ABCA12: variants seen among roughly 807,000 people sequenced by gnomAD.
The protein encoded by ABCA12 is ATP binding cassette subfamily A member 12.
A neutral mutation model predicts 293.5 loss-of-function variants in ABCA12; 156 were observed. That is an observed-to-expected ratio of 0.53 (90% confidence interval 0.47 to 0.61). ABCA12 has a LOEUF of 0.61. ABCA12 is among the 20% of genes least tolerant of loss of function. The pLI is 0.00. For synonymous variants in ABCA12, 1,063 were observed against 1,108.0 expected (o/e 0.96, Z 0.81); for missense variants, 2,797 against 3,090.2 (o/e 0.91, Z 2.25).
chr2:215,129,005 C>T (rs886318162), intron 1 of ABCA12, among the ~76,000 whole-genome samples: 2 of 152,134 alleles, frequency 1.3e-5, no homozygotes, highest in African/African-American at 4.8e-5. Flanking sequence ...TGATGTAGTA[C>T]TCTCCCCCTT....
In ABCA12 at chr2:215,015,647, A is replaced by G. The variant is rs1422212596; in HGVS notation, c.1799T>C (p.Phe600Ser). The G allele has an allele frequency of 6.2e-7, 1 of 1,613,918 alleles. No individual in the cohort carries two copies. The highest frequency in any genetic ancestry group is 1.3e-5 in the African/African-American group (1 of 74,934). Residue 600 changes from phenylalanine (F) to serine (S), a missense_variant, in exon 15 of 53, where the codon TTC (phenylalanine) becomes TCC (serine). Transcript: ENST00000272895. ...ATTAGTATCACAGGAATGCAGCCAG[A>G]ACACCTGAGAAATAATCTGCAAATG... ...DNRAEIISQV[F>S]WLHSCDTNIT... is the part of the protein sequence containing the mutation.
intron 51 of ABCA12, among the ~76,000 whole-genome samples, chr2:214,936,468 C>A (rs1698221875): frequency 6.6e-6 from 1 of 152,184 alleles, no homozygotes; most frequent in South Asian, 2.1e-4. Flanking sequence ...TTTCCAATTT[C>A]TTTTTATCAT....
At chr2:215,027,039 T>G in intron 9 of ABCA12, 101 bp from the exon 10 acceptor site, 1 of 887,924 alleles carries the variant, frequency 1.1e-6, no homozygotes, top group South Asian at 1.3e-5. Context: ...TTGGTTGACT[T>G]GGACATTGAA....
In ABCA12 at chr2:215,012,214, G is replaced by C. The variant is rs1700393978; in HGVS notation, c.1957-79C>G. 3.0e-6 allele frequency: 4 copies of C among 1,339,144 alleles called. No individual in the cohort carries two copies. The South Asian group carries it at 4.8e-5, about 16-fold the overall frequency. The allele number at this position is 1,339,144 out of a possible 1,614,324, so 83.0% of individuals were successfully genotyped here. A position where few individuals can be genotyped will look rare whatever the true frequency, so the allele number is the denominator to read the frequency against. ...TGCATTGTTGGTAAGGTTGTAGAAA[G>C]GTACAGCCACTTTGGAAAACATTTT... On this transcript the variant is annotated intron_variant, in intron 15 of 52. Coordinates refer to ENST00000272895, the MANE Select transcript of ABCA12 (RefSeq NM_173076.3).
chr2:214,936,333 T>C (rs1698217533), intron 51 of ABCA12, among the ~76,000 whole-genome samples: 1 of 152,178 alleles, frequency 6.6e-6, no homozygotes, highest in African/African-American at 2.4e-5. Flanking sequence ...CTGGAGGTCT[T>C]GGAATGTATC....
chr2:215,080,250 G>A (rs1311701021), intron 2 of ABCA12, among the ~76,000 whole-genome samples: 3 of 152,092 alleles, frequency 2.0e-5, no homozygotes, highest in African/African-American at 7.2e-5. Flanking sequence ...GTAATCCCAG[G>A]ACTTTGGAAG....
rs764741924 is a variant in ABCA12, at chr2:214,989,352, C to G, written c.3806G>C (p.Trp1269Ser). 9 of 1,612,554 alleles carry G rather than the reference C, an allele frequency of 5.6e-6. No homozygotes were observed. The highest frequency in any genetic ancestry group is 1.3e-5 in the African/African-American group (1 of 74,452). ...ADSFIYFLIAWYVRNVFPGTY... is the reference protein window; with the variant it reads ...ADSFIYFLIASYVRNVFPGTY... ...ACCTGGGAAGACATTCCTGACATAC[C>G]AAGCAATAAGGAAATAAATGAAAGA... Residue 1269 changes from tryptophan to serine, a missense_variant, in exon 26 of 53, where the codon TGG becomes TCG. Trp to Ser is a radical substitution (Grantham distance 177). Transcript: ENST00000272895.
chr2:215,074,736 G>A (rs559283372), intron 2 of ABCA12, among the ~76,000 whole-genome samples: 1 of 152,120 alleles, frequency 6.6e-6, no homozygotes, highest in African/African-American at 2.4e-5. Flanking sequence ...GAGGTCAGGA[G>A]ATCGAGAACA....
At chr2:215,075,810 G>A in intron 2 of ABCA12, 4 of 479,738 alleles carry the variant, frequency 8.3e-6, no homozygotes, top group Admixed American at 8.0e-5. Flanking sequence ...TATTATCACA[G>A]TGAATTTTGT....
chr2:214,999,983 G>T, intron 22 of ABCA12: 1 of 208,084 alleles, frequency 4.8e-6, no homozygotes, highest in Non-Finnish European at 8.4e-6. Flanking sequence ...GTAATATTCA[G>T]CCTCAAGCTT....
At chr2:215,047,973 A>G in intron 6 of ABCA12, among the ~76,000 whole-genome samples, 1 of 139,660 alleles carries the variant, frequency 7.2e-6, no homozygotes, top group African/African-American at 3.3e-5. Context: ...CAAATTTACA[A>G]GAAAAAAAAA....
chr2:215,117,807 G>A (rs1030855490), intron 1 of ABCA12, among the ~76,000 whole-genome samples: 1 of 152,190 alleles, frequency 6.6e-6, no homozygotes, highest in Non-Finnish European at 1.5e-5. Flanking sequence ...TGGAGACTCT[G>A]TGAATTTAAT....
chr2:215,118,047 C>T (rs972145355), intron 1 of ABCA12, among the ~76,000 whole-genome samples: 11 of 152,214 alleles, frequency 7.2e-5, no homozygotes, highest in Non-Finnish European at 1.2e-4. Context: ...TATTTTGCCC[C>T]TACAGACATT....
At chr2:215,077,099 T>C (rs2106089638) in intron 2 of ABCA12, among the ~76,000 whole-genome samples, 1 of 152,288 alleles carries the variant, frequency 6.6e-6, no homozygotes, top group South Asian at 2.1e-4. Context: ...GCCTCCAAGG[T>C]ACCTTTAATG....
chr2:215,041,331 A>C (rs1701096005), intron 7 of ABCA12, among the ~76,000 whole-genome samples: 1 of 152,146 alleles, frequency 6.6e-6, no homozygotes, highest in Admixed American at 6.5e-5. Context: ...AGGCAGGCAG[A>C]TCACAAGGTC....
At chr2:215,094,340 T>C (rs896775931) in intron 2 of ABCA12, among the ~76,000 whole-genome samples, 7 of 152,224 alleles carry the variant, frequency 4.6e-5, no homozygotes, top group Non-Finnish European at 7.3e-5. Context: ...ATGCTTATGC[T>C]GATAAGGTAG....
At chr2:215,066,147 T>A (rs768246414) in intron 2 of ABCA12, among the ~76,000 whole-genome samples, 17 of 152,172 alleles carry the variant, frequency 1.1e-4, no homozygotes, top group Non-Finnish European at 2.5e-4. Flanking sequence ...GAACTGCATA[T>A]GGCAAGACCT....
chr2:215,071,310 G>C (rs1321122256), intron 2 of ABCA12, among the ~76,000 whole-genome samples: 2 of 151,262 alleles, frequency 1.3e-5, no homozygotes, highest in East Asian at 3.9e-4. Context: ...TTTCATACAA[G>C]CTCCATGACA....
At chr2:215,052,725 G>A (rs557548275) in intron 4 of ABCA12, 141 bp from the exon 5 acceptor site, 13 of 743,124 alleles carry the variant, frequency 1.7e-5, no homozygotes, top group South Asian at 7.5e-5. Context: ...TTCCATGGAA[G>A]TTTTATACTG....
Sources: allele counts gnomAD v4.1 joint callset (sites outside exome capture counted in the v4.1 genomes callset), GRCh38; gene constraint gnomAD v4.1.1; transcripts MANE v1.5; gene names NCBI Gene and HGNC (gene_info 2026-07-23, HGNC 2026-07-21).